SUPT16H: variants seen among roughly 807,000 people sequenced by gnomAD.
SUPT16H encodes the protein SPT16 homolog, facilitates chromatin remodeling subunit, also known as FACT complex subunit SPT16.
A neutral mutation model predicts 136.2 loss-of-function variants in SUPT16H; 24 were observed. That is an observed-to-expected ratio of 0.18 (90% CI 0.13 to 0.25). SUPT16H has a LOEUF of 0.25. Among genes scored for constraint, SUPT16H ranks in the 10% least tolerant of loss-of-function variants. The pLI is 1.00. For synonymous variants in SUPT16H, 415 were observed against 428.2 expected (o/e 0.97, Z 0.38); for missense variants, 623 against 1,270.2 (o/e 0.49, Z 7.74).
Position 21,383,985 on chromosome 14 carries a change from C to G in SUPT16H, c.-58G>C. 2.5e-6 allele frequency: 4 copies of G among 1,601,926 alleles called. No individual in the cohort carries two copies. Among genetic ancestry groups the G allele is most frequent in the Non-Finnish European group, 3.4e-6 (4 of 1,170,662 alleles). On this transcript the variant is annotated 5_prime_UTR_variant, in exon 1 of 26. Transcript: ENST00000216297. Reference sequence around the variant, plus strand: ...GAATCACGCGAGGTCCCGGCTCAGCCACCCGCTCTCGGCCCAGGAATCCCG... The same window carrying G: ...GAATCACGCGAGGTCCCGGCTCAGCGACCCGCTCTCGGCCCAGGAATCCCG...
At chr14:21,356,854 G>A (rs1012918162) in intron 22 of SUPT16H, among the ~76,000 whole-genome samples, 2 of 152,204 alleles carry the variant, frequency 1.3e-5, no homozygotes, top group African/African-American at 4.8e-5. Context: ...TTGACTGGGT[G>A]CAGTGGCTTG....
chr14:21,383,989 C>G lies in SUPT16H; in HGVS notation c.-62G>C, dbSNP rs28364671. On this transcript the variant is annotated 5_prime_UTR_variant, in exon 1 of 26. Coordinates refer to ENST00000216297, the MANE Select transcript of SUPT16H (RefSeq NM_007192.4). Reference sequence around the variant, plus strand: ...CACGCGAGGTCCCGGCTCAGCCACCCGCTCTCGGCCCAGGAATCCCGCACT... The same window carrying G: ...CACGCGAGGTCCCGGCTCAGCCACCGGCTCTCGGCCCAGGAATCCCGCACT... 2 of 1,596,548 alleles carry G rather than the reference C, an allele frequency of 1.3e-6. No homozygotes were observed. The highest frequency in any genetic ancestry group is 1.7e-6 in the Non-Finnish European group (2 of 1,165,798).
At chr14:21,378,833 TTAAAAAACTATA>T (rs1886959389) in intron 1 of SUPT16H, among the ~76,000 whole-genome samples, 1 of 152,150 alleles carries the variant, frequency 6.6e-6, no homozygotes, top group Non-Finnish European at 1.5e-5. Flanking sequence ...ACTATGACTT[TTAAAAAACTATA>T]TCTATTACTG....
At chr14:21,382,398 G>A (rs960563875) in intron 1 of SUPT16H, among the ~76,000 whole-genome samples, 5 of 152,176 alleles carry the variant, frequency 3.3e-5, no homozygotes, top group African/African-American at 1.2e-4. Flanking sequence ...AAGACTATCA[G>A]TTTTATTAGG....
In SUPT16H at chr14:21,377,941, G is replaced by A. The variant is rs766199806; in HGVS notation, c.67-4511C>T. Reference sequence around the variant, plus strand: ...CTGCGCCTGGCCCATCTTTTCTTACGAAGTTCTTAGAGAAAATGTGCTAAA... The same window carrying A: ...CTGCGCCTGGCCCATCTTTTCTTACAAAGTTCTTAGAGAAAATGTGCTAAA... On this transcript the variant is annotated intron_variant, in intron 1 of 25. Transcript: ENST00000216297. 3.8e-4 allele frequency among the ~76,000 whole-genome samples: 58 copies of A among 152,180 alleles called. 2 individuals are homozygous for A. The highest frequency in any genetic ancestry group is 1.9e-4 in the East Asian group (1 of 5,182).
intron 17 of SUPT16H, 35 bp from the exon 18 acceptor site, chr14:21,360,568 A>G: frequency 6.3e-7 from 1 of 1,577,754 alleles, no homozygotes; most frequent in Non-Finnish European, 8.7e-7. Flanking sequence ...CAAGCAGTAT[A>G]ATTAAGTTAG....
chr14:21,354,736 C>T (rs1308541777), intron 22 of SUPT16H, 196 bp from the exon 23 acceptor site: 10 of 481,022 alleles, frequency 2.1e-5, no homozygotes, highest in East Asian at 5.1e-5. Context: ...GGATTACAGG[C>T]GCATGCCACC....
chr14:21,362,729 T>C (rs747495123), intron 14 of SUPT16H, 65 bp downstream of exon 14: 7 of 1,520,164 alleles, frequency 4.6e-6, no homozygotes, highest in Admixed American at 4.0e-5. Flanking sequence ...AGATTATTTA[T>C]GGCAAATACA....
chr14:21,378,857 TTAAAA>T (rs1391377426), intron 1 of SUPT16H, among the ~76,000 whole-genome samples: 1 of 152,206 alleles, frequency 6.6e-6, no homozygotes, highest in Non-Finnish European at 1.5e-5. Flanking sequence ...CTATTACTGA[TTAAAA>T]TAATTTTGAA....
intron 7 of SUPT16H, 127 bp downstream of exon 7, chr14:21,368,142 C>T (rs1038893415): frequency 3.2e-6 from 3 of 945,684 alleles, no homozygotes; most frequent in Non-Finnish European, 4.7e-6. Flanking sequence ...TGGTCTTGAA[C>T]TCCTGGATTC....
chr14:21,382,718 C>A (rs377193536), intron 1 of SUPT16H, among the ~76,000 whole-genome samples: 3 of 151,884 alleles, frequency 2.0e-5, no homozygotes, highest in African/African-American at 2.4e-5. Flanking sequence ...AGAAATTAAT[C>A]AAAAAATTAA....
intron 20 of SUPT16H, 32 bp downstream of exon 20, chr14:21,358,279 CCAGT>C (rs774038031): frequency 6.9e-5 from 87 of 1,264,164 alleles, no homozygotes; most frequent in African/African-American, 1.2e-4. Flanking sequence ...AAAAGACAGA[CCAGT>C]CAAACTTCAA....
In SUPT16H at chr14:21,359,441, C is replaced by T. The variant is rs186442951; in HGVS notation, c.2301+43G>A. On this transcript the variant is annotated intron_variant, in intron 19 of 25. Coordinates refer to ENST00000216297, the MANE Select transcript of SUPT16H (RefSeq NM_007192.4). The stretch of plus-strand genomic sequence containing the variant: ...TCCCTGAGCTTGGATTTGGCCTCAT[C>T]CTCCCTCACTATCCTGCAAATACAA... 1,429 of 1,600,710 alleles carry T rather than the reference C, an allele frequency of 8.9e-4. 1 individual carries two copies. The highest frequency in any genetic ancestry group is 1.1e-3 in the Non-Finnish European group (1,244 of 1,173,816).
At chr14:21,372,445 C>T (rs1246401204) in intron 2 of SUPT16H, 2 of 312,044 alleles carry the variant, frequency 6.4e-6, no homozygotes, top group Non-Finnish European at 1.2e-5. Context: ...TTCATTTCTC[C>T]TTCTCAAAGA....
chr14:21,358,479 T>C, intron 19 of SUPT16H, 52 bp from the exon 20 acceptor site: 7 of 1,318,536 alleles, frequency 5.3e-6, no homozygotes, highest in Non-Finnish European at 7.5e-6. Context: ...TAACAGTACC[T>C]CCCCTCAAAA....
At chr14:21,369,697 G>A (rs1594305923) in intron 5 of SUPT16H, 53 bp downstream of exon 5, 2 of 1,602,336 alleles carry the variant, frequency 1.2e-6, no homozygotes, top group East Asian at 4.5e-5. Context: ...TTGCATGGTA[G>A]ACTTATTACT....
At chr14:21,366,026 CAGA>C (rs1659690618) in intron 8 of SUPT16H, among the ~76,000 whole-genome samples, 1 of 152,140 alleles carries the variant, frequency 6.6e-6, no homozygotes, top group Non-Finnish European at 1.5e-5. Context: ...TGCTGGAGCC[CAGA>C]AGGTCTAGAC....
At chr14:21,368,242 C>T (rs991074694) in intron 7 of SUPT16H, 27 bp downstream of exon 7, 3 of 1,595,030 alleles carry the variant, frequency 1.9e-6, no homozygotes, top group African/African-American at 2.7e-5. Flanking sequence ...ACACAACTTT[C>T]AAACCTCCTT....
At chr14:21,366,648 T>C in intron 7 of SUPT16H, 119 bp from the exon 8 acceptor site, 1 of 728,332 alleles carries the variant, frequency 1.4e-6, no homozygotes, top group Non-Finnish European at 2.1e-6. Flanking sequence ...AACTAAACAG[T>C]CCACTCACTT....
Sources: gnomAD v4.1 joint callset for allele counts (sites outside exome capture counted in the v4.1 genomes callset) on GRCh38, gnomAD v4.1.1 for gene constraint, MANE v1.5 for transcripts, NCBI Gene and HGNC (gene_info 2026-07-23, HGNC 2026-07-21) for gene names.